Variants in CDHR1 observed in about 807,000 individuals in gnomAD.
CDHR1 encodes the protein cadherin-related family member 1.
In CDHR1, 61 loss-of-function variants were observed where a neutral mutation model predicts 72.1. The ratio of observed to expected loss-of-function variants is 0.85; its 90% CI spans 0.69 to 1.05. The LOEUF (loss-of-function observed/expected upper bound fraction) is 1.05, where lower values mean the gene tolerates loss of function less well. CDHR1 is among the 50% of genes least tolerant of loss of function. The pLI, the probability that CDHR1 is intolerant of heterozygous loss-of-function variation, is 0.00. For missense variants in CDHR1, 1,186 were observed against 1,115.7 expected (o/e 1.06, Z -0.90); for synonymous variants, 470 against 448.1 (o/e 1.05, Z -0.62).
At chr10:84,213,410 C>T (rs1050327775) in intron 16 of CDHR1, 62 bp downstream of exon 16, 24 of 1,605,330 alleles carry the variant, frequency 1.5e-5, no homozygotes, top group Non-Finnish European at 1.8e-5. Context: ...CTCTCTGCAA[C>T]GTGGGCAGAG....
At chr10:84,203,713 G>A (rs1455020371) in intron 8 of CDHR1, among the ~76,000 whole-genome samples, 1 of 152,224 alleles carries the variant, frequency 6.6e-6, no homozygotes, top group Non-Finnish European at 1.5e-5. Context: ...ACCGCGCCCG[G>A]CCTATTATTG....
intron 13 of CDHR1, among the ~76,000 whole-genome samples, chr10:84,211,445 T>C (rs1262321083): frequency 6.6e-6 from 1 of 152,142 alleles, no homozygotes; most frequent in Non-Finnish European, 1.5e-5. Context: ...GTTTTCCAGA[T>C]CTAAATCTCT....
rs749657135 is a variant in CDHR1, at chr10:84,208,193, C to T, written c.983C>T (p.Ala328Val). 32 of 1,614,142 alleles carry T rather than the reference C, an allele frequency of 2.0e-5. No individual in the cohort carries two copies. The highest frequency in any genetic ancestry group is 6.7e-5 in the East Asian group (3 of 44,874). Residue 328 changes from alanine (A) to valine (V), a missense_variant, in exon 11 of 17, where the codon GCG (alanine) becomes GTG (valine). Transcript: ENST00000623527. Reference sequence around the variant, plus strand: ...TCCCAGGTGACTGAAATGAGCCCTGCGGGGAGCCCAGCTGCCCAGGCCACC... The same window carrying T: ...TCCCAGGTGACTGAAATGAGCCCTGTGGGGAGCCCAGCTGCCCAGGCCACC... ...LHVQVTEMSP[A>V]GSPAAQATVP...
At chr10:84,205,995 C>A in intron 10 of CDHR1, 68 bp downstream of exon 10, 1 of 1,213,682 alleles carries the variant, frequency 8.2e-7, no homozygotes, top group South Asian at 1.2e-5. Context: ...GGTGAAGACA[C>A]CCAGGCCCTT....
chr10:84,218,759 A>G, downstream of CDHR1: 2 of 1,008,856 alleles, frequency 2.0e-6, no homozygotes, highest in South Asian at 4.7e-5. Flanking sequence ...ATTAGCCCAG[A>G]TATCATGTTA....
At chr10:84,200,459 T>G in intron 5 of CDHR1, 142 bp from the exon 6 acceptor site, 1 of 694,496 alleles carries the variant, frequency 1.4e-6, no homozygotes, top group Non-Finnish European at 2.7e-6. Flanking sequence ...CCCCACTGGG[T>G]GCTCACACAT....
chr10:84,202,318 C>T (rs920194886), intron 7 of CDHR1, among the ~76,000 whole-genome samples: 1 of 152,212 alleles, frequency 6.6e-6, no homozygotes, highest in Non-Finnish European at 1.5e-5. Context: ...CATCTGCCCA[C>T]CCCTGAAGCT....
chr10:84,198,334 G>A (rs904490629), intron 4 of CDHR1, among the ~76,000 whole-genome samples: 1 of 152,196 alleles, frequency 6.6e-6, no homozygotes, highest in African/African-American at 2.4e-5. Context: ...CTAACAACTG[G>A]CCTCCGCCAC....
At chr10:84,200,465 C>A in intron 5 of CDHR1, 136 bp from the exon 6 acceptor site, 3 of 708,574 alleles carry the variant, frequency 4.2e-6, no homozygotes, top group Middle Eastern at 3.2e-4. Context: ...TGGGTGCTCA[C>A]ACATTTTATC....
chr10:84,207,692 C>G (rs1191549650), intron 10 of CDHR1, among the ~76,000 whole-genome samples: 2 of 152,208 alleles, frequency 1.3e-5, no homozygotes. Flanking sequence ...CTCATAGTTT[C>G]TGTGGTTCAG....
chr10:84,203,108 C>T lies in CDHR1; in HGVS notation c.768C>T (p.Tyr256=), dbSNP rs769081286. The T allele has an allele frequency of 5.0e-6, 8 of 1,614,088 alleles. No individual in the cohort carries two copies. The highest frequency in any genetic ancestry group is 2.7e-5 in the African/African-American group (2 of 74,924). ...FVGTPYYGYV[Y]EDTLPGSEVL... ...GCACACCCTACTATGGCTATGTGTACGAGGACACCCTTCCGGTGGGTGGCT... is the reference window on the plus strand; with the variant it reads ...GCACACCCTACTATGGCTATGTGTATGAGGACACCCTTCCGGTGGGTGGCT... The change falls in exon 8 of 17, where the codon TAC becomes TAT. Residue 256 remains tyrosine (Y), a synonymous_variant. Transcript: ENST00000623527.
intron 1 of CDHR1, 71 bp from the exon 2 acceptor site, chr10:84,195,423 G>A (rs1473305992): frequency 2.1e-6 from 3 of 1,404,954 alleles, no homozygotes; most frequent in African/African-American, 2.9e-5. Flanking sequence ...GACCGCGCTG[G>A]TGCGAAGCTC....
rs149954991 is a variant in CDHR1, at chr10:84,214,471, C to T, written c.2430C>T (p.Thr810=). The T allele has an allele frequency of 1.9e-6, 3 of 1,610,454 alleles. No individual in the cohort carries two copies. Among genetic ancestry groups the T allele is most frequent in the African/African-American group, 1.3e-5 (1 of 74,902 alleles). ...VAPSTGAAQW[T]VPTVSGSLTP... ...CCAGCACTGGCGCAGCCCAGTGGAC[C>T]GTGCCTACTGTCTCTGGCTCTCTCA... Residue 810 remains threonine, a synonymous_variant, in exon 17 of 17, where the codon ACC becomes ACT. Coordinates refer to ENST00000623527, the MANE Select transcript of CDHR1 (RefSeq NM_033100.4).
chr10:84,202,144 C>T (rs1291728571), intron 7 of CDHR1, among the ~76,000 whole-genome samples: 1 of 152,140 alleles, frequency 6.6e-6, no homozygotes, highest in Non-Finnish European at 1.5e-5. Context: ...AACTAATGGG[C>T]CAGGATCCCC....
Position 84,217,841 on chromosome 10 carries a change from C to T in CDHR1, c.*3220C>T, listed in dbSNP as rs1303742520. 2.0e-6 allele frequency: 2 copies of T among 985,282 alleles called. No individual in the cohort carries two copies. Among genetic ancestry groups the T allele is most frequent in the Admixed American group, 6.1e-5 (1 of 16,262 alleles). 61.0% of individuals were successfully genotyped at this position (985,282 alleles called of 1,614,324 possible). A position where few individuals can be genotyped will look rare whatever the true frequency, so the allele number is the denominator to read the frequency against. ...CATCTGTGGCCTGTGTAGCCGGCAG[C>T]CTGCATTTGGGCGTTGACATTCCAG... On this transcript the variant is annotated 3_prime_UTR_variant, in exon 17 of 17. Coordinates refer to ENST00000623527, the MANE Select transcript of CDHR1 (RefSeq NM_033100.4).
In CDHR1 at chr10:84,214,216, G is replaced by T; in HGVS notation, c.2175G>T (p.Trp725Cys). ...TCCTCATCTCCACCGCCACCTTCTGGCGCAACAAGAAGTCTAACAAGGTCC... is the reference window on the plus strand; with the variant it reads ...TCCTCATCTCCACCGCCACCTTCTGTCGCAACAAGAAGTCTAACAAGGTCC... Reference protein sequence around the residue: ...ITVLISTATFWRNKKSNKVLP... With the variant: ...ITVLISTATFCRNKKSNKVLP... The change falls in exon 17 of 17, where the codon TGG (tryptophan) becomes TGT (cysteine). Residue 725 changes from tryptophan to cysteine, a missense_variant. Coordinates refer to ENST00000623527, the MANE Select transcript of CDHR1 (RefSeq NM_033100.4). 1 of 1,614,132 alleles carries T rather than the reference G, an allele frequency of 6.2e-7. No individual in the cohort carries two copies. Among genetic ancestry groups the T allele is most frequent in the South Asian group, 1.1e-5 (1 of 91,080 alleles).
At chr10:84,194,839 G>C in intron 1 of CDHR1, 24 bp downstream of exon 1, 1 of 1,532,810 alleles carries the variant, frequency 6.5e-7, no homozygotes, top group Non-Finnish European at 8.7e-7. Context: ...GGGCCGCGCT[G>C]GCCGCGTGGA....
At chr10:84,197,484 G>T (rs373019271) in intron 3 of CDHR1, among the ~76,000 whole-genome samples, 1 of 152,160 alleles carries the variant, frequency 6.6e-6, no homozygotes, top group Non-Finnish European at 1.5e-5. Context: ...CACTAAGGTC[G>T]ACATCTCGCC....
Position 84,215,521 on chromosome 10 carries a change from T to G in CDHR1, c.*900T>G. ...TTCCGTTTTTATCCAGCTCTTTTGC[T>G]CACATCGCGTAACCTTGGGAAAGCT... On this transcript the variant is annotated 3_prime_UTR_variant, in exon 17 of 17. Transcript: ENST00000623527. 1.1e-6 allele frequency: 1 copy of G among 944,432 alleles called. No individual in the cohort carries two copies. The highest frequency in any genetic ancestry group is 4.9e-5 in the South Asian group (1 of 20,478). 58.5% of individuals were successfully genotyped at this position (944,432 alleles called of 1,614,324 possible).
Sources: gnomAD v4.1 joint callset for allele counts (sites outside exome capture counted in the v4.1 genomes callset) on GRCh38, gnomAD v4.1.1 for gene constraint, MANE v1.5 for transcripts, NCBI Gene and HGNC (gene_info 2026-07-23, HGNC 2026-07-21) for gene names.